The following ST8SIA1 variants were observed in gnomAD, a reference collection of about 807,000 sequenced individuals.
The protein encoded by ST8SIA1 is alpha-N-acetylneuraminide alpha-2,8-sialyltransferase.
ST8SIA1 carries 16 observed loss-of-function variants against 35.9 expected under a neutral mutation model. The observed-to-expected ratio is 0.45, with a 90% CI of 0.30 to 0.68. The LOEUF (loss-of-function observed/expected upper bound fraction) is 0.68, where lower values mean the gene tolerates loss of function less well. Among genes scored for constraint, ST8SIA1 ranks in the 30% least tolerant of loss-of-function variants. ST8SIA1 has a pLI of 0.09. For missense variants in ST8SIA1, 383 were observed against 453.6 expected, an observed-to-expected ratio of 0.84 and a Z score of 1.41; for synonymous variants, 170 against 169.6, an observed-to-expected ratio of 1.00 and a Z score of -0.02.
intron 4 of ST8SIA1, among the ~76,000 whole-genome samples, chr12:22,209,363 T>G (rs1412552198): frequency 6.6e-6 from 1 of 152,052 alleles, no homozygotes; most frequent in Non-Finnish European, 1.5e-5. Context: ...AAATCCGAGA[T>G]GAGGAAATTC....
chr12:22,236,392 A>T (rs1865476039), intron 4 of ST8SIA1, among the ~76,000 whole-genome samples: 13 of 152,220 alleles, frequency 8.5e-5, no homozygotes, highest in Admixed American at 8.5e-4. Context: ...TTCATCACAC[A>T]GCCAATGCTG....
intron 1 of ST8SIA1, among the ~76,000 whole-genome samples, chr12:22,305,442 G>T (rs143010783): frequency 3.4e-5 from 5 of 147,676 alleles, no homozygotes; most frequent in Admixed American, 1.4e-4. Context: ...GTGCAATGGC[G>T]TGCTCTCAGC....
rs76502168 is a variant in ST8SIA1, at chr12:22,246,588, C to T, written c.584+2418G>A. ...CGGTCACTGGAAAGAGCCAGACCCCCCAACCCTGGTTCTTTGTCACAGTCT... is the reference window on the plus strand; with the variant it reads ...CGGTCACTGGAAAGAGCCAGACCCCTCAACCCTGGTTCTTTGTCACAGTCT... On this transcript the variant is annotated intron_variant, in intron 4 of 4. Transcript: ENST00000396037. 5.9e-5 allele frequency among the ~76,000 whole-genome samples: 9 copies of T among 152,162 alleles called. No homozygotes were observed. The South Asian group carries it at 1.7e-3, about 28-fold the overall frequency.
chr12:22,254,394 T>A (rs934190182), intron 3 of ST8SIA1, among the ~76,000 whole-genome samples: 1 of 151,956 alleles, frequency 6.6e-6, no homozygotes, highest in Admixed American at 6.6e-5. Flanking sequence ...GACCCCATCA[T>A]CTGACCCCAT....
At chr12:22,234,860 A>G (rs905882791) in intron 4 of ST8SIA1, among the ~76,000 whole-genome samples, 1 of 152,108 alleles carries the variant, frequency 6.6e-6, no homozygotes, top group Non-Finnish European at 1.5e-5. Flanking sequence ...CACAATCAAT[A>G]AAATATGGTA....
At chr12:22,238,856 A>T (rs1276615568) in intron 4 of ST8SIA1, among the ~76,000 whole-genome samples, 1 of 152,188 alleles carries the variant, frequency 6.6e-6, no homozygotes, top group African/African-American at 2.4e-5. Context: ...TTTCTGGAGT[A>T]ACATACTCTT....
intron 4 of ST8SIA1, among the ~76,000 whole-genome samples, chr12:22,224,369 G>T (rs1865332519): frequency 6.6e-6 from 1 of 151,280 alleles, no homozygotes; most frequent in South Asian, 2.1e-4. Context: ...GAGTGCAATG[G>T]CACAATCTCT....
intron 2 of ST8SIA1, among the ~76,000 whole-genome samples, chr12:22,277,721 G>GA (rs1865987476): frequency 6.6e-6 from 1 of 152,122 alleles, no homozygotes; most frequent in South Asian, 2.1e-4. Context: ...GATAAACCTT[G>GA]ACTTAACCCA....
At chr12:22,241,419 C>T (rs1446154948) in intron 4 of ST8SIA1, among the ~76,000 whole-genome samples, 1 of 151,962 alleles carries the variant, frequency 6.6e-6, no homozygotes, top group African/African-American at 2.4e-5. Context: ...CTGTCTCTTG[C>T]TCCTGCTCCT....
At chr12:22,311,496 G>A (rs1866449243) in intron 1 of ST8SIA1, among the ~76,000 whole-genome samples, 1 of 152,122 alleles carries the variant, frequency 6.6e-6, no homozygotes, top group Admixed American at 6.6e-5. Flanking sequence ...TTCTTCAATT[G>A]TCTCTGGCAA....
chr12:22,248,960 A>C, intron 4 of ST8SIA1, 46 bp downstream of exon 4: 1 of 1,426,144 alleles, frequency 7.0e-7, no homozygotes, highest in Non-Finnish European at 9.9e-7. Flanking sequence ...AGTACTTGAG[A>C]AGACTTCATC....
rs1159983470 is a variant in ST8SIA1, at chr12:22,333,585, C to T, written c.236+412G>A. ...TTATGTTACCGACTGTGCACTCCAC[C>T]TCGGGGAGATGCCTTTTACCTGCTT... is the stretch of plus-strand genomic sequence containing the variant. On this transcript the variant is annotated intron_variant, in intron 1 of 4. Coordinates refer to ENST00000396037, the MANE Select transcript of ST8SIA1 (RefSeq NM_003034.4). 3.3e-5 allele frequency among the ~76,000 whole-genome samples: 5 copies of T among 152,366 alleles called. No homozygotes were observed. The East Asian group carries it at 9.6e-4, about 29-fold the overall frequency.
At chr12:22,214,027 G>T (rs1179502041) in intron 4 of ST8SIA1, among the ~76,000 whole-genome samples, 1 of 152,210 alleles carries the variant, frequency 6.6e-6, no homozygotes, top group African/African-American at 2.4e-5. Flanking sequence ...TAACACAATA[G>T]GAGAAAATGG....
Position 22,201,848 on chromosome 12 carries a change from T to C in ST8SIA1, c.775A>G (p.Ile259Val), listed in dbSNP as rs141398120. The C allele has an allele frequency of 3.1e-6, 5 of 1,614,040 alleles. No homozygotes were observed. In the African/African-American group the frequency reaches 4.0e-5, roughly 13 times the overall value. Residue 259 changes from isoleucine to valine, a missense_variant, in exon 5 of 5, where the codon ATT (isoleucine) becomes GTT (valine). Coordinates refer to ENST00000396037, the MANE Select transcript of ST8SIA1 (RefSeq NM_003034.4). ...LFANPNFLRSIGKFWKSRGIH... is the reference protein window; with the variant it reads ...LFANPNFLRSVGKFWKSRGIH... ...CCTCTACTTTTCCAGAACTTTCCAA[T>C]GCTACGCAGAAAGTTGGGGTTGGCA...
chr12:22,215,477 G>C (rs1865224680), intron 4 of ST8SIA1, among the ~76,000 whole-genome samples: 1 of 152,194 alleles, frequency 6.6e-6, no homozygotes, highest in Non-Finnish European at 1.5e-5. Flanking sequence ...AACAATATTT[G>C]GGAAGAGCTA....
intron 2 of ST8SIA1, among the ~76,000 whole-genome samples, chr12:22,264,649 T>C (rs1315949058): frequency 6.7e-6 from 1 of 150,024 alleles, no homozygotes; most frequent in East Asian, 2.0e-4. Context: ...AACTTCTCAT[T>C]ATAGGTACTT....
In ST8SIA1 at chr12:22,269,114, T is replaced by C. The variant is rs143709904; in HGVS notation, c.382-13725A>G. Among the ~76,000 whole-genome samples, 807 of 152,006 alleles carry C rather than the reference T, an allele frequency of 5.3e-3. 21 individuals are homozygous for C. The highest frequency in any genetic ancestry group is 5.0e-3 in the Non-Finnish European group (341 of 67,968). ...TTAATAAATAAATTTATTCCAAGAGTAGGCAGTTAGAGAAGAGTGCATATC... is the reference window on the plus strand; with the variant it reads ...TTAATAAATAAATTTATTCCAAGAGCAGGCAGTTAGAGAAGAGTGCATATC... On this transcript the variant is annotated intron_variant, in intron 2 of 4. Coordinates refer to ENST00000396037, the MANE Select transcript of ST8SIA1 (RefSeq NM_003034.4).
chr12:22,238,197 C>T (rs902317636), intron 4 of ST8SIA1, among the ~76,000 whole-genome samples: 2 of 152,136 alleles, frequency 1.3e-5, no homozygotes, highest in Non-Finnish European at 2.9e-5. Flanking sequence ...TGTGCTAGAA[C>T]TCTTCTCTCT....
intron 4 of ST8SIA1, among the ~76,000 whole-genome samples, chr12:22,232,853 T>C (rs1865435223): frequency 6.6e-6 from 1 of 151,462 alleles, no homozygotes; most frequent in Non-Finnish European, 1.5e-5. Flanking sequence ...AAAATAAAAA[T>C]AAATAAAAAA....
Sources: gnomAD v4.1 joint callset for allele counts (sites outside exome capture counted in the v4.1 genomes callset) on GRCh38, gnomAD v4.1.1 for gene constraint, MANE v1.5 for transcripts, NCBI Gene and HGNC (gene_info 2026-07-23, HGNC 2026-07-21) for gene names.